Variants in FOXP1 observed in about 807,000 individuals in gnomAD.
The protein encoded by FOXP1 is forkhead box protein P1.
FOXP1 carries 15 observed loss-of-function variants against 98.2 expected under a neutral mutation model. The observed-to-expected ratio is 0.15, with a 90% CI of 0.10 to 0.24. The LOEUF (loss-of-function observed/expected upper bound fraction) is 0.24, where lower values mean the gene tolerates loss of function less well. Among genes scored for constraint, FOXP1 ranks in the 10% least tolerant of loss-of-function variants. The pLI, the probability that FOXP1 is intolerant of heterozygous loss-of-function variation, is 1.00. For missense variants in FOXP1, 633 were observed against 848.5 expected (o/e 0.75, Z 3.15); for synonymous variants, 371 against 314.5 (o/e 1.18, Z -1.90).
chr3:71,240,748 T>G (rs2067201748), intron 5 of FOXP1, among the ~76,000 whole-genome samples: 1 of 150,500 alleles, frequency 6.6e-6, no homozygotes, highest in Non-Finnish European at 1.5e-5. Context: ...GGTTTCACCA[T>G]GTTAGCCAGG....
intron 6 of FOXP1, among the ~76,000 whole-genome samples, chr3:71,192,787 C>T (rs2063067105): frequency 6.6e-6 from 1 of 152,108 alleles, no homozygotes; most frequent in Non-Finnish European, 1.5e-5. Context: ...GTAGCTGGGA[C>T]CACAGGCATG....
intron 7 of FOXP1, among the ~76,000 whole-genome samples, chr3:71,092,103 G>A (rs374643428): frequency 3.3e-5 from 5 of 152,152 alleles, no homozygotes; most frequent in African/African-American, 7.2e-5. Flanking sequence ...CAGAAGAATC[G>A]CTTGAACCCA....
At position 71,140,807 on chromosome 3, in the gene FOXP1, G is replaced by A. The variant is rs185009329; in HGVS notation, c.181-28170C>T. Among the ~76,000 whole-genome samples the A allele has an allele frequency of 2.0e-5, 3 of 152,250 alleles. No homozygotes were observed. The East Asian group carries it at 5.8e-4, about 29-fold the overall frequency. On this transcript the variant is annotated intron_variant, in intron 6 of 20. Coordinates refer to ENST00000649528, the MANE Select transcript of FOXP1 (RefSeq NM_001349338.3). ...GGACTTTGAGAAAGGAGAGGCATCT[G>A]TCTTGGGATGTTAAAAAAATGTGTC... is the stretch of plus-strand genomic sequence containing the variant.
At chr3:71,281,499 C>T (rs915067371) in intron 5 of FOXP1, among the ~76,000 whole-genome samples, 6 of 152,222 alleles carry the variant, frequency 3.9e-5, no homozygotes, top group African/African-American at 1.4e-4. Flanking sequence ...GTAGAACACA[C>T]ACATCCTCCC....
intron 3 of FOXP1, among the ~76,000 whole-genome samples, chr3:71,384,520 T>A (rs1333740861): frequency 6.6e-6 from 1 of 152,150 alleles, no homozygotes; most frequent in Non-Finnish European, 1.5e-5. Flanking sequence ...TATTAGAATC[T>A]CAAAAGTCAA....
intron 3 of FOXP1, among the ~76,000 whole-genome samples, chr3:71,443,273 G>A (rs1235071724): frequency 6.6e-6 from 1 of 152,142 alleles, no homozygotes; most frequent in Non-Finnish European, 1.5e-5. Flanking sequence ...ATGTATATTT[G>A]GTGTCATGAT....
intron 2 of FOXP1, among the ~76,000 whole-genome samples, chr3:71,542,479 G>C (rs1013926798): frequency 1.3e-5 from 2 of 152,220 alleles, no homozygotes; most frequent in African/African-American, 4.8e-5. Context: ...TAAAATAATT[G>C]TCTGCACAGG....
chr3:71,120,206 T>A (rs2058660538), intron 6 of FOXP1, among the ~76,000 whole-genome samples: 1 of 152,222 alleles, frequency 6.6e-6, no homozygotes, highest in African/African-American at 2.4e-5. Context: ...TTTGGTCTAC[T>A]CTATGATACT....
intron 7 of FOXP1, among the ~76,000 whole-genome samples, chr3:71,066,665 C>G (rs1446926230): frequency 6.6e-6 from 1 of 152,186 alleles, no homozygotes; most frequent in East Asian, 1.9e-4. Flanking sequence ...TTCAAAACGC[C>G]TAAGTGACTT....
At chr3:71,373,163 A>G (rs1048655973) in intron 3 of FOXP1, among the ~76,000 whole-genome samples, 1 of 152,224 alleles carries the variant, frequency 6.6e-6, no homozygotes, top group African/African-American at 2.4e-5. Flanking sequence ...AAGGGGACAA[A>G]GCCTTTTAAG....
chr3:71,447,463 G>C (rs112684228), intron 3 of FOXP1, among the ~76,000 whole-genome samples: 2,052 of 152,306 alleles, frequency 0.013, 55 homozygotes, highest in African/African-American at 0.046. Context: ...ACTCCAGCTG[G>C]AAGGAAGTAG....
intron 5 of FOXP1, among the ~76,000 whole-genome samples, chr3:71,270,702 T>C (rs946045319): frequency 6.6e-6 from 1 of 152,368 alleles, no homozygotes; most frequent in African/African-American, 2.4e-5. Flanking sequence ...TTAATCTTCT[T>C]ACAGGACAGA....
intron 7 of FOXP1, among the ~76,000 whole-genome samples, chr3:71,070,361 C>T (rs942436339): frequency 6.6e-6 from 1 of 152,112 alleles, no homozygotes; most frequent in Non-Finnish European, 1.5e-5. Context: ...GCTCACTCTC[C>T]GGGGAGAGCA....
At chr3:71,041,939 A>T (rs1275023247) in intron 10 of FOXP1, among the ~76,000 whole-genome samples, 1 of 152,174 alleles carries the variant, frequency 6.6e-6, no homozygotes, top group Non-Finnish European at 1.5e-5. Context: ...AAAATGAATA[A>T]TTTTTGTGCT....
At chr3:71,148,608 T>A (rs1402996708) in intron 6 of FOXP1, among the ~76,000 whole-genome samples, 2 of 152,212 alleles carry the variant, frequency 1.3e-5, no homozygotes, top group African/African-American at 4.8e-5. Context: ...TGCATTACTG[T>A]CTTCTTCCTT....
Position 71,198,198 on chromosome 3 carries a change from G to T in FOXP1, c.180+4C>A. On this transcript the variant is annotated splice_donor_region_variant and intron_variant, in intron 6 of 20. Transcript: ENST00000649528. The stretch of plus-strand genomic sequence containing the variant: ...CCACCTCCCAAGACTCCAAAGCCCA[G>T]TACCTGTTGCTGCTGCTGCTGGGCG... 1 of 1,614,098 alleles carries T rather than the reference G, an allele frequency of 6.2e-7. No individual in the cohort carries two copies. Among genetic ancestry groups the T allele is most frequent in the Non-Finnish European group, 8.5e-7 (1 of 1,180,048 alleles).
chr3:71,190,275 C>T (rs963442697), intron 6 of FOXP1, among the ~76,000 whole-genome samples: 1 of 152,000 alleles, frequency 6.6e-6, no homozygotes, highest in African/African-American at 2.4e-5. Context: ...TCAGTTCCCC[C>T]TCCACCCCCA....
At chr3:71,369,480 T>C (rs2107970435) in intron 3 of FOXP1, among the ~76,000 whole-genome samples, 1 of 152,308 alleles carries the variant, frequency 6.6e-6, no homozygotes. Context: ...CTGCAACCTC[T>C]GCCTCCTGGG....
chr3:71,511,571 G>A (rs905895125), intron 2 of FOXP1, among the ~76,000 whole-genome samples: 1 of 151,888 alleles, frequency 6.6e-6, no homozygotes, highest in Non-Finnish European at 1.5e-5. Flanking sequence ...ATGTAGGCAA[G>A]TGCCAATATT....
Sources: gnomAD v4.1 joint callset for allele counts (sites outside exome capture counted in the v4.1 genomes callset) on GRCh38, gnomAD v4.1.1 for gene constraint, MANE v1.5 for transcripts, NCBI Gene and HGNC (gene_info 2026-07-23, HGNC 2026-07-21) for gene names.